The following INSL6 variants were observed in gnomAD, a reference collection of about 807,000 sequenced individuals.
INSL6 encodes the protein insulin like 6, also known as insulin-like peptide INSL6.
INSL6 carries 16 observed loss-of-function variants against 9.4 expected under a neutral mutation model. The ratio of observed to expected loss-of-function variants is 1.70; its 90% confidence interval spans 1.15 to 2.59. The LOEUF (loss-of-function observed/expected upper bound fraction) is 2.59. Ranked by LOEUF, INSL6 falls within the 30% of genes most tolerant of loss-of-function variation. The pLI, the probability that INSL6 is intolerant of heterozygous loss-of-function variation, is 0.00. For synonymous variants in INSL6, 154 were observed against 96.9 expected (o/e 1.59, Z -3.46); for missense variants, 391 against 257.3 (o/e 1.52, Z -3.56).
chr9:5,064,060 A>T, the INSL6 span, among the ~76,000 whole-genome samples: 2 of 152,026 alleles, frequency 1.3e-5, no homozygotes, highest in Non-Finnish European at 2.9e-5. Flanking sequence ...GGAGACTGAG[A>T]CAGGAGAATC....
chr9:5,176,581 C>G (rs970611291), intron 1 of INSL6, among the ~76,000 whole-genome samples: 60 of 151,696 alleles, frequency 4.0e-4, no homozygotes, highest in African/African-American at 1.4e-3. Flanking sequence ...GCCCTATTTA[C>G]GATGATTAAA....
chr9:5,085,568 T>G, the INSL6 span: 1 of 691,280 alleles, frequency 1.4e-6, no homozygotes, highest in Non-Finnish European at 2.7e-6. Context: ...ACAGCTGTAT[T>G]TCCAGTTTGT....
the INSL6 span, chr9:5,029,911 T>G: frequency 6.4e-7 from 1 of 1,574,768 alleles, no homozygotes; most frequent in African/African-American, 1.4e-5. Context: ...AATAAGGTAC[T>G]TTCTTCAGTA....
chr9:5,043,232 G>T, the INSL6 span, among the ~76,000 whole-genome samples: 697 of 152,254 alleles, frequency 4.6e-3, 6 homozygotes, highest in African/African-American at 0.016. Context: ...CCGTGAGTCT[G>T]GTTTTTGCTT....
At chr9:5,102,962 G>A in the INSL6 span, among the ~76,000 whole-genome samples, 21 of 152,096 alleles carry the variant, frequency 1.4e-4, no homozygotes, top group Admixed American at 5.2e-4. Context: ...AAAGACCATC[G>A]ATGATAGGAA....
At chr9:5,069,161 A>G in the INSL6 span, 1 of 1,611,452 alleles carries the variant, frequency 6.2e-7, no homozygotes, top group Non-Finnish European at 8.5e-7. Flanking sequence ...GTTCGCTCAG[A>G]CAATATAATT....
chr9:5,012,848 G>T, the INSL6 span, among the ~76,000 whole-genome samples: 3 of 152,254 alleles, frequency 2.0e-5, no homozygotes, highest in African/African-American at 7.2e-5. Context: ...CTAAACATTC[G>T]TAAAATATGA....
At chr9:5,040,860 G>C in the INSL6 span, 1 of 232,040 alleles carries the variant, frequency 4.3e-6, no homozygotes, top group South Asian at 4.2e-5. Flanking sequence ...AGCAGGAGAG[G>C]GGCCGGAGCG....
intron 2 of INSL6, among the ~76,000 whole-genome samples, chr9:5,154,246 G>T (rs1468037512): frequency 6.6e-6 from 1 of 152,194 alleles, no homozygotes; most frequent in Admixed American, 6.5e-5. Flanking sequence ...TTAATAAATG[G>T]TGTTGGGAAA....
the INSL6 span, among the ~76,000 whole-genome samples, chr9:4,996,603 T>C: frequency 2.0e-5 from 3 of 152,054 alleles, no homozygotes; most frequent in Admixed American, 6.6e-5. Flanking sequence ...ATGTGAAATA[T>C]AGTTTTCATT....
At chr9:5,042,618 C>T in the INSL6 span, among the ~76,000 whole-genome samples, 1 of 152,212 alleles carries the variant, frequency 6.6e-6, no homozygotes, top group African/African-American at 2.4e-5. Context: ...CAGCTGCCCC[C>T]GTTAGCGTCA....
chr9:5,146,585 T>C (rs1259694322), intron 2 of INSL6, among the ~76,000 whole-genome samples: 2 of 152,180 alleles, frequency 1.3e-5, no homozygotes, highest in Admixed American at 6.5e-5. Flanking sequence ...CTGTGCAGCA[T>C]TAACACAAGG....
rs749448578 is a variant in INSL6, at chr9:5,163,911, G to C, written c.*2C>G. On this transcript the variant is annotated 3_prime_UTR_variant, in exon 2 of 2. Coordinates refer to ENST00000381641, the MANE Select transcript of INSL6 (RefSeq NM_007179.3). Reference sequence around the variant, plus strand: ...ATTAGGTTAGAAAAAATTCTAAGATGGTTAGTATATCTTAGTTACAAGTGA... The same window carrying C: ...ATTAGGTTAGAAAAAATTCTAAGATCGTTAGTATATCTTAGTTACAAGTGA... 2 of 1,550,086 alleles carry C rather than the reference G, an allele frequency of 1.3e-6. No homozygotes were observed. Among genetic ancestry groups the C allele is most frequent in the Middle Eastern group, 1.9e-4 (1 of 5,382 alleles).
the INSL6 span, chr9:5,111,514 C>T: frequency 3.0e-5 from 11 of 365,742 alleles, no homozygotes; most frequent in African/African-American, 2.4e-4. Context: ...CCTATCCATC[C>T]GCCAAGACGC....
At chr9:5,134,510 A>C (rs1564034411) in intron 2 of INSL6, among the ~76,000 whole-genome samples, 2 of 152,236 alleles carry the variant, frequency 1.3e-5, no homozygotes, top group Non-Finnish European at 2.9e-5. Flanking sequence ...GAAACCCTAC[A>C]AGCCAGAAGA....
the INSL6 span, among the ~76,000 whole-genome samples, chr9:4,995,507 A>AT: frequency 6.6e-6 from 1 of 152,226 alleles, no homozygotes; most frequent in Non-Finnish European, 1.5e-5. Context: ...TATTTGTCAG[A>AT]TAATCCTTCT....
At chr9:5,039,464 T>C in the INSL6 span, among the ~76,000 whole-genome samples, 1 of 152,170 alleles carries the variant, frequency 6.6e-6, no homozygotes, top group African/African-American at 2.4e-5. Context: ...ACTATGCCTT[T>C]GTATATCAGG....
At chr9:5,006,991 C>T in the INSL6 span, among the ~76,000 whole-genome samples, 5 of 152,142 alleles carry the variant, frequency 3.3e-5, no homozygotes, top group East Asian at 3.9e-4. Flanking sequence ...TTTTAATTCC[C>T]GATATTGATA....
At chr9:5,139,690 G>T (rs1824455196) in intron 2 of INSL6, among the ~76,000 whole-genome samples, 1 of 152,178 alleles carries the variant, frequency 6.6e-6, no homozygotes, top group Admixed American at 6.6e-5. Context: ...AAGAAGCTAA[G>T]TCCAAAGAGG....
Sources: gnomAD v4.1 joint callset for allele counts (sites outside exome capture counted in the v4.1 genomes callset) on GRCh38, gnomAD v4.1.1 for gene constraint, MANE v1.5 for transcripts, NCBI Gene and HGNC (gene_info 2026-07-23, HGNC 2026-07-21) for gene names.